CHST11: variants seen among roughly 807,000 people sequenced by gnomAD.
The protein encoded by CHST11 is carbohydrate sulfotransferase 11, also known as C4S-1.
A neutral mutation model predicts 30.4 loss-of-function variants in CHST11; 9 were observed. The observed-to-expected ratio is 0.30, with a 90% CI of 0.18 to 0.52. The LOEUF (loss-of-function observed/expected upper bound fraction) is 0.52, where lower values mean the gene tolerates loss of function less well. CHST11 is among the 20% of genes least tolerant of loss of function. CHST11 has a pLI of 0.97. For synonymous variants in CHST11, 152 were observed against 187.8 expected (o/e 0.81, Z 1.56); for missense variants, 348 against 460.6 (o/e 0.76, Z 2.24).
intron 1 of CHST11, among the ~76,000 whole-genome samples, chr12:104,583,031 A>G (rs1006075578): frequency 2.0e-5 from 3 of 151,996 alleles, no homozygotes; most frequent in Non-Finnish European, 4.4e-5. Flanking sequence ...TTGCCTGCAC[A>G]AATAGACCTG....
chr12:104,533,178 C>T (rs2038203155), intron 1 of CHST11, among the ~76,000 whole-genome samples: 1 of 152,232 alleles, frequency 6.6e-6, no homozygotes, highest in Non-Finnish European at 1.5e-5. Flanking sequence ...TTTGAACCCA[C>T]CTCCATGACT....
intron 1 of CHST11, among the ~76,000 whole-genome samples, chr12:104,531,986 GGCTCCT>G (rs1187840740): frequency 2.0e-5 from 3 of 152,204 alleles, no homozygotes; most frequent in African/African-American, 7.2e-5. Flanking sequence ...CTTGCCCAGT[GGCTCCT>G]GCTAAAAAGC....
intron 1 of CHST11, among the ~76,000 whole-genome samples, chr12:104,523,908 C>T (rs1275668185): frequency 6.6e-6 from 1 of 152,216 alleles, no homozygotes; most frequent in African/African-American, 2.4e-5. Flanking sequence ...TTTCACCTCA[C>T]CCTATCCACA....
intron 2 of CHST11, among the ~76,000 whole-genome samples, chr12:104,640,567 A>G (rs1209610191): frequency 6.6e-6 from 1 of 152,236 alleles, no homozygotes; most frequent in African/African-American, 2.4e-5. Context: ...TGGGGGCAGT[A>G]AAAAGATCAG....
chr12:104,652,460 G>C (rs1319950428), intron 2 of CHST11, among the ~76,000 whole-genome samples: 1 of 152,196 alleles, frequency 6.6e-6, no homozygotes, highest in East Asian at 1.9e-4. Context: ...CACGGGAGCA[G>C]CATGTCTTCA....
At chr12:104,544,148 AAG>A (rs2038316498) in intron 1 of CHST11, among the ~76,000 whole-genome samples, 1 of 33,948 alleles carries the variant, frequency 2.9e-5, no homozygotes, top group Non-Finnish European at 7.0e-5. Context: ...AAAAGAAAGA[AAG>A]AAAGAAAGAA....
intron 2 of CHST11, among the ~76,000 whole-genome samples, chr12:104,634,997 C>G (rs2039310277): frequency 6.6e-6 from 1 of 152,102 alleles, no homozygotes; most frequent in Non-Finnish European, 1.5e-5. Flanking sequence ...AAGCTGGGCT[C>G]CTGGGTTGCA....
chr12:104,485,128 G>A (rs772578283), intron 1 of CHST11, among the ~76,000 whole-genome samples: 9 of 152,148 alleles, frequency 5.9e-5, no homozygotes, highest in East Asian at 1.9e-4. Flanking sequence ...CCAGGACAGC[G>A]GGCCTCAGAG....
intron 1 of CHST11, among the ~76,000 whole-genome samples, chr12:104,488,467 G>A (rs2037707141): frequency 6.6e-6 from 1 of 151,836 alleles, no homozygotes; most frequent in Non-Finnish European, 1.5e-5. Context: ...GCATGTATGT[G>A]TGTATGCATG....
chr12:104,557,634 G>A (rs953818096), intron 1 of CHST11, among the ~76,000 whole-genome samples: 18 of 152,190 alleles, frequency 1.2e-4, no homozygotes, highest in Admixed American at 2.6e-4. Context: ...GGGAGAGGGC[G>A]GGAGAGGAGG....
intron 2 of CHST11, among the ~76,000 whole-genome samples, chr12:104,624,571 A>G (rs1198531023): frequency 6.6e-6 from 1 of 152,232 alleles, no homozygotes; most frequent in East Asian, 1.9e-4. Context: ...GAATTCATGT[A>G]AAATGAAGAT....
chr12:104,586,569 A>C (rs1015531374), intron 1 of CHST11, among the ~76,000 whole-genome samples: 2 of 152,248 alleles, frequency 1.3e-5, no homozygotes, highest in Non-Finnish European at 2.9e-5. Context: ...CAGCTACGTT[A>C]CTCTGTCTCT....
Position 104,676,507 on chromosome 12 carries a change from C to G in CHST11, c.204+74516C>G, listed in dbSNP as rs537459802. Among the ~76,000 whole-genome samples, 1 of 152,188 alleles carries G rather than the reference C, an allele frequency of 6.6e-6. No homozygotes were observed. Among genetic ancestry groups the G allele is most frequent in the African/African-American group, 2.4e-5 (1 of 41,444 alleles). ...TCGGCTCACTGCAACCTCCGCCTCC[C>G]GGGTTCAAGGGATTATTCTGCCCCA... On this transcript the variant is annotated intron_variant, in intron 2 of 2. Transcript: ENST00000303694. This position sits in a 1 kb window ranked among gnomAD's most constrained non-coding sequence, Gnocchi z 4.4.
intron 1 of CHST11, among the ~76,000 whole-genome samples, chr12:104,575,550 G>T (rs1343244278): frequency 6.6e-6 from 1 of 152,150 alleles, no homozygotes; most frequent in African/African-American, 2.4e-5. Flanking sequence ...CAACTGATAG[G>T]CAAAGAAAGG....
In CHST11 at chr12:104,633,412, C is replaced by CTTTTT. The variant is rs34686417; in HGVS notation, c.204+31437_204+31441dup. Among the ~76,000 whole-genome samples the CTTTTT allele has an allele frequency of 2.2e-4, 25 of 111,872 alleles. 1 individual carries two copies. The highest frequency in any genetic ancestry group is 3.1e-4 in the African/African-American group (9 of 28,932). 73.4% of individuals were successfully genotyped at this position (111,872 alleles called of 152,430 possible). On this transcript the variant is annotated intron_variant, in intron 2 of 2. Coordinates refer to ENST00000303694, the MANE Select transcript of CHST11 (RefSeq NM_018413.6). ...ACTGCATGTGCTCCTCTCCCTCTGT[C>CTTTTT]TTTTTTTTTTTTTTTTTTTTGAGAT...
chr12:104,568,922 C>T (rs941695715), intron 1 of CHST11, among the ~76,000 whole-genome samples: 1 of 152,134 alleles, frequency 6.6e-6, no homozygotes, highest in Admixed American at 6.6e-5. Context: ...CTCTTTAAGA[C>T]AGTCTATGTA....
chr12:104,593,307 AG>A (rs2136041482), intron 1 of CHST11, among the ~76,000 whole-genome samples: 1 of 152,308 alleles, frequency 6.6e-6, no homozygotes, highest in East Asian at 1.9e-4. Context: ...ATTTGCTTAT[AG>A]GGTCTCCAGT....
At chr12:104,502,944 T>C (rs1338418657) in intron 1 of CHST11, among the ~76,000 whole-genome samples, 1 of 152,158 alleles carries the variant, frequency 6.6e-6, no homozygotes, top group Admixed American at 6.5e-5. Flanking sequence ...CTGGATTCAG[T>C]AGATGTGGGG....
At chr12:104,545,061 C>G (rs2038333636) in intron 1 of CHST11, among the ~76,000 whole-genome samples, 1 of 152,150 alleles carries the variant, frequency 6.6e-6, no homozygotes, top group Non-Finnish European at 1.5e-5. Flanking sequence ...TGGCAAGAAT[C>G]CCCTGGAGCC....
Sources: allele counts gnomAD v4.1 joint callset (sites outside exome capture counted in the v4.1 genomes callset), GRCh38; gene constraint gnomAD v4.1.1; non-coding constraint Gnocchi (gnomAD v3.1); transcripts MANE v1.5; gene names NCBI Gene and HGNC (gene_info 2026-07-23, HGNC 2026-07-21).